Variants in RBFOX2 observed in about 807,000 individuals in gnomAD.
The protein encoded by RBFOX2 is RNA binding protein fox-1 homolog 2.
Under a neutral mutation model 49.1 loss-of-function variants are expected in RBFOX2, and 10 were observed. That is an observed-to-expected ratio of 0.20 (90% CI 0.13 to 0.35). The LOEUF is 0.35. Ranked by LOEUF, RBFOX2 falls within the 10% of genes least tolerant of loss-of-function variation. The probability of loss-of-function intolerance (pLI) is 1.00; values close to 1 mark genes in which losing one functional copy is unlikely to be tolerated. For missense variants in RBFOX2, 323 were observed against 486.9 expected (o/e 0.66, Z 3.17); for synonymous variants, 183 against 187.4 (o/e 0.98, Z 0.19).
chr22:36,027,234 C>G (rs921180217), intron 1 of RBFOX2, among the ~76,000 whole-genome samples: 1 of 152,100 alleles, frequency 6.6e-6, no homozygotes, highest in African/African-American at 2.4e-5. Context: ...GTTAAGAACC[C>G]CTGGAAAAGA....
chr22:35,864,656 GA>G (rs1264698438), intron 1 of RBFOX2, among the ~76,000 whole-genome samples: 1 of 152,188 alleles, frequency 6.6e-6, no homozygotes, highest in African/African-American at 2.4e-5. Flanking sequence ...TTTGAGAAAT[GA>G]AAGAAACAGA....
At chr22:35,999,519 T>A (rs955313062) in intron 1 of RBFOX2, 2 of 152,110 alleles carry the variant, frequency 1.3e-5, no homozygotes, top group Admixed American at 6.5e-5. Flanking sequence ...ATAACACCAC[T>A]GCAATACAGC....
chr22:35,753,142 T>C (rs1407254756), intron 9 of RBFOX2, among the ~76,000 whole-genome samples: 1 of 152,230 alleles, frequency 6.6e-6, no homozygotes, highest in African/African-American at 2.4e-5. Flanking sequence ...CAAGCTCCGA[T>C]TCGGTGCACT....
intron 2 of RBFOX2, among the ~76,000 whole-genome samples, chr22:35,786,372 C>G (rs1946389389): frequency 6.6e-6 from 1 of 152,206 alleles, no homozygotes; most frequent in African/African-American, 2.4e-5. Flanking sequence ...CTATCATTTC[C>G]TAAATTCTCA....
chr22:35,973,628 T>C (rs945528099), intron 1 of RBFOX2, among the ~76,000 whole-genome samples: 11 of 152,204 alleles, frequency 7.2e-5, no homozygotes, highest in African/African-American at 2.7e-4. Flanking sequence ...GTGAACCACA[T>C]ACAAAGTTTT....
intron 1 of RBFOX2, among the ~76,000 whole-genome samples, chr22:35,880,219 AG>A (rs1349230839): frequency 6.6e-6 from 1 of 152,206 alleles, no homozygotes; most frequent in Non-Finnish European, 1.5e-5. Context: ...CAGAACCTAA[AG>A]GATTTGCTAA....
chr22:35,792,472 G>A (rs1354658143), intron 2 of RBFOX2, among the ~76,000 whole-genome samples: 1 of 151,964 alleles, frequency 6.6e-6, no homozygotes, highest in Non-Finnish European at 1.5e-5. Context: ...TTTTATATCA[G>A]ATTTCAAATC....
intron 1 of RBFOX2, among the ~76,000 whole-genome samples, chr22:35,947,874 G>A (rs1338649209): frequency 6.6e-6 from 1 of 151,988 alleles, no homozygotes; most frequent in Non-Finnish European, 1.5e-5. Context: ...CAAATTTGTT[G>A]TTAAAGAAAA....
chr22:36,025,972 A>G (rs5756046), intron 1 of RBFOX2, among the ~76,000 whole-genome samples: 13,394 of 152,138 alleles, frequency 0.088, 642 homozygotes, highest in African/African-American at 0.12. Context: ...CAACAATGGG[A>G]ATGTATAGAA....
At chr22:35,794,209 C>CTT (rs77037337) in intron 2 of RBFOX2, among the ~76,000 whole-genome samples, 10 of 146,698 alleles carry the variant, frequency 6.8e-5, no homozygotes, top group African/African-American at 2.5e-4. Flanking sequence ...CTATGGATGT[C>CTT]TTTTTTTTTT....
chr22:35,925,251 G>A (rs1308285359), intron 1 of RBFOX2, among the ~76,000 whole-genome samples: 2 of 151,970 alleles, frequency 1.3e-5, no homozygotes, highest in African/African-American at 4.8e-5. Flanking sequence ...GGGTGCAGTG[G>A]CTCACACCTG....
intron 9 of RBFOX2, among the ~76,000 whole-genome samples, chr22:35,756,757 A>G (rs1211725200): frequency 6.6e-6 from 1 of 152,172 alleles, no homozygotes; most frequent in Non-Finnish European, 1.5e-5. Context: ...GGCTGATCAC[A>G]CAAGCATGCA....
intron 1 of RBFOX2, among the ~76,000 whole-genome samples, chr22:35,955,836 G>C (rs1391545419): frequency 6.6e-6 from 1 of 152,144 alleles, no homozygotes; most frequent in Non-Finnish European, 1.5e-5. Flanking sequence ...TCTCATACCT[G>C]CTTCTGCATT....
intron 4 of RBFOX2, among the ~76,000 whole-genome samples, chr22:35,774,423 A>T (rs1216635022): frequency 6.6e-6 from 1 of 152,160 alleles, no homozygotes; most frequent in Non-Finnish European, 1.5e-5. Flanking sequence ...TCCATCATAT[A>T]TCTTAATAGT....
At chr22:35,785,894 C>T (rs1034275567) in intron 2 of RBFOX2, among the ~76,000 whole-genome samples, 2 of 152,210 alleles carry the variant, frequency 1.3e-5, no homozygotes, top group Non-Finnish European at 2.9e-5. Context: ...CAAACCAACA[C>T]GCAGTCAAAG....
chr22:35,891,101 T>G (rs1008465124), intron 1 of RBFOX2, among the ~76,000 whole-genome samples: 1 of 152,176 alleles, frequency 6.6e-6, no homozygotes, highest in East Asian at 1.9e-4. Flanking sequence ...AAAATCATTA[T>G]TACCTGTGCA....
intron 1 of RBFOX2, among the ~76,000 whole-genome samples, chr22:35,828,975 C>T (rs1056421558): frequency 7.9e-5 from 12 of 151,890 alleles, no homozygotes; most frequent in East Asian, 1.9e-4. Flanking sequence ...CGCTTGAACC[C>T]GGGAGGCAGA....
At chr22:35,970,670 A>C (rs529271734) in intron 1 of RBFOX2, among the ~76,000 whole-genome samples, 4 of 152,282 alleles carry the variant, frequency 2.6e-5, no homozygotes, top group Admixed American at 1.3e-4. Context: ...TATCTAAAAA[A>C]ACAAGAAGAA....
At chr22:35,778,583 T>C (rs1005704639) in intron 3 of RBFOX2, among the ~76,000 whole-genome samples, 2 of 152,120 alleles carry the variant, frequency 1.3e-5, no homozygotes, top group Admixed American at 1.3e-4. Flanking sequence ...ATTCCAGGCT[T>C]TCCCTCAGGC....
Sources: allele counts gnomAD v4.1 joint callset (sites outside exome capture counted in the v4.1 genomes callset), GRCh38; gene constraint gnomAD v4.1.1; transcripts MANE v1.5; gene names NCBI Gene and HGNC (gene_info 2026-07-23, HGNC 2026-07-21).